The following RNF6 variants were observed in gnomAD, a reference collection of about 807,000 sequenced individuals.
The protein encoded by RNF6 is ring finger protein 6, also known as E3 ubiquitin-protein ligase RNF6.
A neutral mutation model predicts 50.1 loss-of-function variants in RNF6; 21 were observed. The ratio of observed to expected loss-of-function variants is 0.42; its 90% CI spans 0.30 to 0.60. The LOEUF is 0.60. Among genes scored for constraint, RNF6 ranks in the 20% least tolerant of loss-of-function variants. The pLI is 0.20. For synonymous variants in RNF6, 255 were observed against 291.8 expected (o/e 0.87, Z 1.29); for missense variants, 698 against 838.2 (o/e 0.83, Z 2.07).
chr13:26,157,774 A>T (rs553584832), intron 5 of RNF6, among the ~76,000 whole-genome samples: 1 of 152,202 alleles, frequency 6.6e-6, no homozygotes, highest in Non-Finnish European at 1.5e-5. Flanking sequence ...AGATTATTTG[A>T]CACTTGTATA....
At chr13:26,148,460 A>G (rs1871366277) in intron 5 of RNF6, among the ~76,000 whole-genome samples, 1 of 151,586 alleles carries the variant, frequency 6.6e-6, no homozygotes, top group South Asian at 2.1e-4. Flanking sequence ...TACTGGGAAG[A>G]AAGTCATTCG....
At chr13:26,144,088 G>C (rs958143782) in intron 5 of RNF6, among the ~76,000 whole-genome samples, 19 of 152,004 alleles carry the variant, frequency 1.2e-4, no homozygotes, top group African/African-American at 4.6e-4. Context: ...ATCATATCAG[G>C]GGGGCTCAGT....
At position 26,138,315 on chromosome 13, in the gene RNF6, C is replaced by G. The variant is rs765476022; in HGVS notation, n.769-5864G>C. Among the ~76,000 whole-genome samples, 3 of 152,112 alleles carry G rather than the reference C, an allele frequency of 2.0e-5. No homozygotes were observed. The East Asian group carries it at 5.8e-4, about 29-fold the overall frequency. ...TCCCAAATAAACAAAAACTGAGAGA[C>G]GTTGTCACTAATAGACTTGCCCTAC... is the stretch of plus-strand genomic sequence containing the variant. On this transcript the variant is annotated intron_variant and non_coding_transcript_variant, in intron 5 of 5. Transcript: ENST00000468480.
intron 4 of RNF6, among the ~76,000 whole-genome samples, chr13:26,216,827 C>T (rs780557488): frequency 9.2e-5 from 14 of 152,070 alleles, no homozygotes; most frequent in South Asian, 2.1e-4. Flanking sequence ...TGGTGGCGTG[C>T]GCCTGTAATC....
chr13:26,155,045 C>CA (rs145217433), intron 5 of RNF6, among the ~76,000 whole-genome samples: 22,644 of 146,140 alleles, frequency 0.15, 1,839 homozygotes, highest in Admixed American at 0.21. Flanking sequence ...AAGCAAAAAA[C>CA]AAAAAAAAAA....
At chr13:26,195,319 T>G (rs1476325448) in intron 5 of RNF6, among the ~76,000 whole-genome samples, 1 of 152,102 alleles carries the variant, frequency 6.6e-6, no homozygotes, top group African/African-American at 2.4e-5. Context: ...ATTCTGAGTT[T>G]TAGGGTATCT....
intron 5 of RNF6, among the ~76,000 whole-genome samples, chr13:26,193,179 T>C (rs1170472547): frequency 1.3e-5 from 2 of 152,118 alleles, no homozygotes; most frequent in African/African-American, 4.8e-5. Flanking sequence ...TTGGGGGAGA[T>C]GTCTATGGAT....
chr13:26,194,524 C>T (rs564044034), intron 5 of RNF6, among the ~76,000 whole-genome samples: 93 of 152,226 alleles, frequency 6.1e-4, no homozygotes, highest in Admixed American at 1.6e-3. Flanking sequence ...TACTGCAGTT[C>T]CTTTTTACCC....
chr13:26,165,658 G>A (rs954684580), intron 5 of RNF6, among the ~76,000 whole-genome samples: 8 of 152,352 alleles, frequency 5.3e-5, no homozygotes, highest in South Asian at 4.1e-4. Context: ...GAAACATGGA[G>A]TCAAAGGAAG....
chr13:26,215,303 C>T lies in RNF6; in HGVS notation c.579G>A (p.Val193=). 1 of 1,614,198 alleles carries T rather than the reference C, an allele frequency of 6.2e-7. No homozygotes were observed. The highest frequency in any genetic ancestry group is 8.5e-7 in the Non-Finnish European group (1 of 1,180,040). ...AGGTTTGGCTTCTTGTTCGCCTAGCCACAGGACTAGTTGACCTTTGTTGCC... is the reference window on the plus strand; with the variant it reads ...AGGTTTGGCTTCTTGTTCGCCTAGCTACAGGACTAGTTGACCTTTGTTGCC... ...ANRQQRSTSP[V]ARRTRSQTSV... Residue 193 remains valine (V), a synonymous_variant, in exon 5 of 5, where the codon GTG becomes GTA. Transcript: ENST00000381588.
chr13:26,203,152 A>G (rs1215763471), intron 5 of RNF6, among the ~76,000 whole-genome samples: 1 of 152,162 alleles, frequency 6.6e-6, no homozygotes, highest in African/African-American at 2.4e-5. Context: ...CCCTGTTGTA[A>G]ATTACCTCTC....
intron 5 of RNF6, among the ~76,000 whole-genome samples, chr13:26,187,450 A>G (rs374074175): frequency 3.9e-5 from 6 of 152,124 alleles, no homozygotes; most frequent in African/African-American, 1.4e-4. Context: ...ATTTCAGGTG[A>G]ATTTCTGACT....
chr13:26,200,629 T>G (rs1593183375), intron 5 of RNF6, among the ~76,000 whole-genome samples: 1 of 152,174 alleles, frequency 6.6e-6, no homozygotes, highest in East Asian at 1.9e-4. Flanking sequence ...GGTCTTGAAC[T>G]CTTGACCTCA....
At chr13:26,179,736 T>A (rs1435100604) in intron 5 of RNF6, among the ~76,000 whole-genome samples, 1 of 152,118 alleles carries the variant, frequency 6.6e-6, no homozygotes, top group Non-Finnish European at 1.5e-5. Context: ...GCGACCTCCT[T>A]GGATCCAGAG....
At chr13:26,133,306 G>A (rs755133490) in intron 5 of RNF6, among the ~76,000 whole-genome samples, 5 of 152,150 alleles carry the variant, frequency 3.3e-5, no homozygotes, top group Non-Finnish European at 7.3e-5. Flanking sequence ...ACTATTATAT[G>A]TGCTGGTATG....
At chr13:26,185,140 G>A (rs962880114) in intron 5 of RNF6, among the ~76,000 whole-genome samples, 2 of 151,954 alleles carry the variant, frequency 1.3e-5, no homozygotes, top group Non-Finnish European at 2.9e-5. Flanking sequence ...GGGACAACAG[G>A]CGCACACCAC....
intron 5 of RNF6, among the ~76,000 whole-genome samples, chr13:26,162,557 G>A (rs929577413): frequency 1.3e-5 from 2 of 152,138 alleles, no homozygotes; most frequent in African/African-American, 4.8e-5. Flanking sequence ...CATTGTACCA[G>A]GGCAGAACTA....
intron 5 of RNF6, among the ~76,000 whole-genome samples, chr13:26,160,870 C>T (rs1031685389): frequency 6.6e-6 from 1 of 152,126 alleles, no homozygotes; most frequent in Non-Finnish European, 1.5e-5. Context: ...CATGCATGCT[C>T]CTGGTGTCTC....
At position 26,197,324 on chromosome 13, in the gene RNF6, TC is replaced by T. The variant is rs1315891863; in HGVS notation, n.768+18149del. Among the ~76,000 whole-genome samples, 3 of 152,082 alleles carry T rather than the reference TC, an allele frequency of 2.0e-5. No homozygotes were observed. In the East Asian group the frequency reaches 5.8e-4, roughly 29 times the overall value. On this transcript the variant is annotated intron_variant and non_coding_transcript_variant, in intron 5 of 5. Transcript: ENST00000468480. Reference sequence around the variant, plus strand: ...AAAAAGCTTACAACTACAAATCTTTTCTCTGCCCATTTGGGATATACATGTA... The same window carrying T: ...AAAAAGCTTACAACTACAAATCTTTTTCTGCCCATTTGGGATATACATGTA...
Sources: gnomAD v4.1 joint callset for allele counts (sites outside exome capture counted in the v4.1 genomes callset) on GRCh38, gnomAD v4.1.1 for gene constraint, MANE v1.5 for transcripts, NCBI Gene and HGNC (gene_info 2026-07-23, HGNC 2026-07-21) for gene names.